INTS12: variants seen among roughly 807,000 people sequenced by gnomAD.
The protein encoded by INTS12 is PHD finger protein 22.
Under a neutral mutation model 41.6 loss-of-function variants are expected in INTS12, and 13 were observed. The ratio of observed to expected loss-of-function variants is 0.31; its 90% CI spans 0.20 to 0.50. The LOEUF is 0.50. Ranked by LOEUF, INTS12 falls within the 20% of genes least tolerant of loss-of-function variation. INTS12 has a pLI of 0.98. For missense variants in INTS12, 432 were observed against 541.6 expected (o/e 0.80, Z 2.01); for synonymous variants, 199 against 191.4 (o/e 1.04, Z -0.33).
At position 105,704,872 on chromosome 4, in the gene INTS12, C is replaced by T. The variant is rs184591428; in HGVS notation, c.-171-1063G>A. ...ATACCTCAAATCTATCCACCCTTTT[C>T]AATCCTTACTACTACCACCCTAGAC... On this transcript the variant is annotated intron_variant, in intron 1 of 7. Coordinates refer to ENST00000340139, the MANE Select transcript of INTS12 (RefSeq NM_020395.4). Among the ~76,000 whole-genome samples the T allele has an allele frequency of 4.9e-3, 749 of 152,282 alleles. 9 individuals carry two copies. Among genetic ancestry groups the T allele is most frequent in the Non-Finnish European group, 7.0e-3 (477 of 68,024 alleles).
At chr4:105,708,445 C>G in intron 1 of INTS12, 193 bp downstream of exon 1, 1 of 985,476 alleles carries the variant, frequency 1.0e-6, no homozygotes, top group Non-Finnish European at 1.2e-6. Flanking sequence ...GCCCGCAACT[C>G]CCTCGGAGGA....
chr4:105,703,049 G>C (rs1732138436), intron 2 of INTS12: 5 of 982,696 alleles, frequency 5.1e-6, no homozygotes, highest in Non-Finnish European at 6.0e-6. Context: ...TATTTTCCTG[G>C]AGTTACACCA....
chr4:105,683,204 T>C lies in INTS12; in HGVS notation c.918A>G (p.Ser306=), dbSNP rs1459723541. The part of the protein sequence containing the change: ...FAAKTSSAGP[S]TAKLSSTTQN... ...GTGTTGTTGAACTCAATTTTGCTGT[T>C]GAAGGACCAGCAGAGGAAGTTTTGG... The change falls in exon 8 of 8, where the codon TCA becomes TCG. Residue 306 remains serine (S), a synonymous_variant. Coordinates refer to ENST00000340139, the MANE Select transcript of INTS12 (RefSeq NM_020395.4). 6.2e-7 allele frequency: 1 copy of C among 1,614,104 alleles called. No homozygotes were observed. The highest frequency in any genetic ancestry group is 1.1e-5 in the South Asian group (1 of 91,084).
chr4:105,702,608 CA>C (rs1478514990), intron 2 of INTS12, among the ~76,000 whole-genome samples: 2 of 152,176 alleles, frequency 1.3e-5, no homozygotes, highest in East Asian at 3.9e-4. Flanking sequence ...TTTCTGACTA[CA>C]ATCTTCCATT....
chr4:105,708,506 G>T, intron 1 of INTS12, 132 bp downstream of exon 1: 2 of 985,362 alleles, frequency 2.0e-6, no homozygotes, highest in Non-Finnish European at 2.4e-6. Context: ...GCACGCAACC[G>T]CCCGTAAATT....
intron 4 of INTS12, among the ~76,000 whole-genome samples, chr4:105,694,475 G>A (rs184073107): frequency 3.9e-5 from 6 of 152,116 alleles, no homozygotes; most frequent in Non-Finnish European, 8.8e-5. Flanking sequence ...ACAGGTGTGC[G>A]CCACCACACC....
Position 105,694,651 on chromosome 4 carries a change from A to G in INTS12, c.309+865T>C, listed in dbSNP as rs564815305. ...CAGCTTCACTTATGTAGATCTAAAA[A>G]CAGAGAAATAATCTAATGTAGTTTA... On this transcript the variant is annotated intron_variant, in intron 4 of 7. Transcript: ENST00000340139. Among the ~76,000 whole-genome samples the G allele has an allele frequency of 1.1e-4, 16 of 152,252 alleles. No homozygotes were observed. In the South Asian group the frequency reaches 3.3e-3, roughly 32 times the overall value.
In INTS12 at chr4:105,683,172, T is replaced by G; in HGVS notation, c.950A>C (p.Asn317Thr). Reference sequence around the variant, plus strand: ...TGACGAAGTAGCAGGTTTCCCAGTATTGTTTTGTGTTGTTGAACTCAATTT... The same window carrying G: ...TGACGAAGTAGCAGGTTTCCCAGTAGTGTTTTGTGTTGTTGAACTCAATTT... ...TAKLSSTTQN[N>T]TGKPATSSAN... is the part of the protein sequence containing the mutation. Residue 317 changes from asparagine to threonine, a missense_variant, in exon 8 of 8, where the codon AAT (asparagine) becomes ACT (threonine). Physicochemically the swap from Asn to Thr is moderately conservative, Grantham distance 65 (BLOSUM62 0). Coordinates refer to ENST00000340139, the MANE Select transcript of INTS12 (RefSeq NM_020395.4). 1 of 1,614,128 alleles carries G rather than the reference T, an allele frequency of 6.2e-7. No homozygotes were observed. Among genetic ancestry groups the G allele is most frequent in the Non-Finnish European group, 8.5e-7 (1 of 1,179,970 alleles).
intron 7 of INTS12, among the ~76,000 whole-genome samples, chr4:105,686,176 C>T (rs1731491636): frequency 6.6e-6 from 1 of 152,174 alleles, no homozygotes; most frequent in Non-Finnish European, 1.5e-5. Context: ...GATTCTCCTG[C>T]CTCAGCCTCC....
chr4:105,684,033 T>A (rs1457201012), intron 7 of INTS12, among the ~76,000 whole-genome samples: 1 of 152,182 alleles, frequency 6.6e-6, no homozygotes, highest in Non-Finnish European at 1.5e-5. Flanking sequence ...CTCCTGCTCC[T>A]TTAATAAGGA....
intron 3 of INTS12, among the ~76,000 whole-genome samples, chr4:105,696,477 G>C (rs1422728130): frequency 6.6e-6 from 1 of 151,844 alleles, no homozygotes; most frequent in Non-Finnish European, 1.5e-5. Context: ...TTTTTGGTCT[G>C]GCTTCTTCTA....
rs1190494099 is a variant in INTS12 at position 105,699,996 on chromosome 4, T to G, written c.10A>C (p.Thr4Pro). 6.6e-7 allele frequency: 1 copy of G among 1,507,532 alleles called. No homozygotes were observed. The highest frequency in any genetic ancestry group is 1.4e-5 in the African/African-American group (1 of 72,730). The allele number at this position is 1,507,532 out of a possible 1,614,324, so 93.4% of individuals were successfully genotyped here. A position where few individuals can be genotyped will look rare whatever the true frequency, so the allele number is the denominator to read the frequency against. Residue 4 changes from threonine to proline, a missense_variant, in exon 3 of 8, where the codon ACT becomes CCT. Physicochemically the swap from Thr to Pro is conservative, Grantham distance 38 (BLOSUM62 -1). This residue lies in a region of INTS12 where 168 missense variants were observed against 198.9 expected (regional missense o/e 0.84). Coordinates refer to ENST00000340139, the MANE Select transcript of INTS12 (RefSeq NM_020395.4). The stretch of plus-strand genomic sequence containing the variant: ...ATGGGATCAAGTTCCAAGTTCACAG[T>G]AGCAGCCATTGCAAACGCCTGAAGG... MAA[T>P]VNLELDPIFL...
chr4:105,708,229 CTT>C, intron 1 of INTS12: 1 of 985,438 alleles, frequency 1.0e-6, no homozygotes, highest in African/African-American at 1.7e-5. Context: ...ACAGCAAACA[CTT>C]AGAAAAGGAA....
chr4:105,689,762 T>C (rs1410914411), intron 6 of INTS12, among the ~76,000 whole-genome samples: 3 of 152,004 alleles, frequency 2.0e-5, no homozygotes, highest in South Asian at 4.1e-4. Flanking sequence ...AAAAATTAGC[T>C]AGGCCTGGTG....
chr4:105,704,735 C>A (rs1432834832), intron 1 of INTS12, among the ~76,000 whole-genome samples: 2 of 152,172 alleles, frequency 1.3e-5, no homozygotes, highest in Admixed American at 6.5e-5. Flanking sequence ...TCTAGTAATC[C>A]CTTTTTCAAA....
At chr4:105,695,094 G>A (rs1169411064) in intron 4 of INTS12, among the ~76,000 whole-genome samples, 1 of 139,328 alleles carries the variant, frequency 7.2e-6, no homozygotes, top group African/African-American at 2.7e-5. Flanking sequence ...ACACCCAGAT[G>A]ATTTTTGTAT....
chr4:105,683,395 G>A, intron 7 of INTS12, 78 bp from the exon 8 acceptor site: 1 of 1,101,318 alleles, frequency 9.1e-7, no homozygotes, highest in Non-Finnish European at 1.3e-6. Flanking sequence ...TTATGAATTG[G>A]GAAATTTAAA....
chr4:105,703,600 C>T (rs951160708), intron 2 of INTS12, 48 bp downstream of exon 2: 1 of 152,230 alleles, frequency 6.6e-6, no homozygotes, highest in Non-Finnish European at 1.5e-5. Context: ...GCCATTCTCT[C>T]TCTGCCTGCA....
chr4:105,689,061 T>A (rs1731590695), intron 6 of INTS12, among the ~76,000 whole-genome samples: 1 of 152,222 alleles, frequency 6.6e-6, no homozygotes, highest in Non-Finnish European at 1.5e-5. Context: ...TATTTCTAAA[T>A]GCTGCAAAAT....
Sources: allele counts gnomAD v4.1 joint callset (sites outside exome capture counted in the v4.1 genomes callset), GRCh38; gene constraint gnomAD v4.1.1; regional missense constraint gnomAD v4.1.1; transcripts MANE v1.5; gene names NCBI Gene and HGNC (gene_info 2026-07-23, HGNC 2026-07-21).